The following ZP2 variants were observed in gnomAD, a reference collection of about 807,000 sequenced individuals.
ZP2 encodes zona pellucida sperm-binding protein 2.
In ZP2, 51 loss-of-function variants were observed where a neutral mutation model predicts 84.0. That is an observed-to-expected ratio of 0.61 (90% CI 0.49 to 0.77). ZP2 has a LOEUF of 0.77. ZP2 is among the 30% of genes least tolerant of loss of function. The pLI, the probability that ZP2 is intolerant of heterozygous loss-of-function variation, is 0.00. For synonymous variants in ZP2, 375 were observed against 330.9 expected (o/e 1.13, Z -1.45); for missense variants, 909 against 911.9 (o/e 1.00, Z 0.04).
intron 4 of ZP2, among the ~76,000 whole-genome samples, chr16:21,208,420 T>C (rs1327406043): frequency 6.6e-6 from 1 of 152,194 alleles, no homozygotes; most frequent in Non-Finnish European, 1.5e-5. Flanking sequence ...AGTTCAAGCC[T>C]GTTTACAGAG....
chr16:21,201,570 T>C lies in ZP2; in HGVS notation c.1505-12A>G, dbSNP rs200511899. 4.0e-3 allele frequency: 6,412 copies of C among 1,603,146 alleles called. 30 individuals carry two copies. The highest frequency in any genetic ancestry group is 8.5e-3 in the Middle Eastern group (51 of 6,026). ...TTGGTAGGAATTATCTGAAATTGAATGGTATTCAAGTAGTTAATGGCTGCA... is the reference window on the plus strand; with the variant it reads ...TTGGTAGGAATTATCTGAAATTGAACGGTATTCAAGTAGTTAATGGCTGCA... On this transcript the variant is annotated splice_polypyrimidine_tract_variant and intron_variant, in intron 13 of 18. Transcript: ENST00000574091.
rs540745033 is a variant in ZP2, at chr16:21,201,302, T to C, written c.1694+67A>G. The stretch of plus-strand genomic sequence containing the variant: ...AATGCTGCTCTAAAGCCCAAGAGGG[T>C]TTATTCCCATTACTGGCAAGTTTTG... On this transcript the variant is annotated intron_variant, in intron 14 of 18. Transcript: ENST00000574091. The C allele has an allele frequency of 4.1e-5, 58 of 1,421,150 alleles. 1 individual carries two copies. In the South Asian group the frequency reaches 7.9e-4, roughly 19 times the overall value. 88.0% of individuals were successfully genotyped at this position (1,421,150 alleles called of 1,614,324 possible).
intron 7 of ZP2, among the ~76,000 whole-genome samples, chr16:21,205,107 T>C (rs2093243569): frequency 6.6e-6 from 1 of 152,086 alleles, no homozygotes; most frequent in African/African-American, 2.4e-5. Context: ...CTCAGCCTCC[T>C]GAGTAGTTGG....
rs1468796967 is a variant in ZP2 at position 21,201,762 on chromosome 16, G to A, written c.1448C>T (p.Pro483Leu). 2 of 1,614,102 alleles carry A rather than the reference G, an allele frequency of 1.2e-6. No individual in the cohort carries two copies. Among genetic ancestry groups the A allele is most frequent in the South Asian group, 1.1e-5 (1 of 91,080 alleles). The change falls in exon 13 of 19, where the codon CCT (proline) becomes CTT (leucine). Residue 483 changes from proline to leucine, a missense_variant. Pro to Leu is a moderately conservative substitution (Grantham distance 98). Transcript: ENST00000574091. ...ACCCAACTTCACTGAGGCCACTGGA[G>A]GAGTAAGGCTTTCAACGTTGATGTT... Reference protein sequence around the residue: ...LLNINVESLTPPVASVKLGPF... With the variant: ...LLNINVESLTLPVASVKLGPF...
At chr16:21,214,171 C>T (rs549537408), upstream of ZP2, 14 of 917,816 alleles carry the variant, frequency 1.5e-5, no homozygotes, top group South Asian at 4.0e-4. Context: ...TGAGAAAGCC[C>T]GCTGTGGGCT....
upstream of ZP2, chr16:21,211,631 T>G (rs113854821): frequency 6.5e-4 from 1,046 of 1,608,472 alleles, 2 homozygotes; most frequent in African/African-American, 0.012. Context: ...ATCCACACCC[T>G]CTCCCCATTG....
At chr16:21,207,669 CACACACACACA>C (rs764994339) in intron 4 of ZP2, among the ~76,000 whole-genome samples, 1 of 106,506 alleles carries the variant, frequency 9.4e-6, no homozygotes, top group East Asian at 3.0e-4. Flanking sequence ...CACACACACA[CACACACACACA>C]CCACAAAAGT....
At chr16:21,199,974 A>G in intron 14 of ZP2, 96 bp from the exon 15 acceptor site, 1 of 1,491,404 alleles carries the variant, frequency 6.7e-7, no homozygotes, top group East Asian at 2.3e-5. Context: ...TATCTTCAGA[A>G]CTATTGCCAT....
At chr16:21,210,534 T>C (rs1424363392) in intron 2 of ZP2, among the ~76,000 whole-genome samples, 4 of 151,888 alleles carry the variant, frequency 2.6e-5, no homozygotes, top group African/African-American at 4.8e-5. Context: ...GTTTTGCAAA[T>C]TGATGTTAAA....
chr16:21,213,966 T>G (rs2093283319), upstream of ZP2, among the ~76,000 whole-genome samples: 1 of 151,836 alleles, frequency 6.6e-6, no homozygotes, highest in Admixed American at 6.6e-5. Flanking sequence ...AGAGAAGTGA[T>G]GGGTTAATGT....
At chr16:21,209,909 G>A in intron 3 of ZP2, 184 bp from the exon 4 acceptor site, 2 of 691,596 alleles carry the variant, frequency 2.9e-6, no homozygotes, top group Non-Finnish European at 5.0e-6. Flanking sequence ...TCCCAGAGAT[G>A]CTGGCATAAG....
Position 21,201,908 on chromosome 16 carries a change from A to C in ZP2, c.1379+24T>G, listed in dbSNP as rs746693673. On this transcript the variant is annotated intron_variant, in intron 12 of 18. Transcript: ENST00000574091. ...GCTTGAGTTTAAACTAGAGCTTAAG[A>C]GTCAAATAGCAATTTTATCTCACCT... 10 of 1,612,980 alleles carry C rather than the reference A, an allele frequency of 6.2e-6. No individual in the cohort carries two copies. In the South Asian group the frequency reaches 9.9e-5, roughly 16 times the overall value.
chr16:21,203,865 A>G (rs986989287), intron 9 of ZP2, 165 bp downstream of exon 9: 3 of 682,124 alleles, frequency 4.4e-6, no homozygotes, highest in African/African-American at 3.6e-5. Context: ...TAGTTACTTG[A>G]TATTTCACTT....
At chr16:21,203,071 A>G (rs1430241469) in intron 10 of ZP2, 54 bp downstream of exon 10, 1 of 1,590,710 alleles carries the variant, frequency 6.3e-7, no homozygotes, top group African/African-American at 1.3e-5. Flanking sequence ...GCCCACATGT[A>G]CAAGAGCCAA....
chr16:21,198,671 C>T, intron 17 of ZP2, 108 bp downstream of exon 17: 1 of 858,802 alleles, frequency 1.2e-6, no homozygotes, highest in Admixed American at 2.4e-5. Flanking sequence ...TTTTATTCTT[C>T]TATTGTTTAG....
At chr16:21,203,308 C>T (rs1440917134) in intron 9 of ZP2, 57 bp from the exon 10 acceptor site, 4 of 1,602,088 alleles carry the variant, frequency 2.5e-6, no homozygotes, top group Non-Finnish European at 8.5e-7. Context: ...GGAACCGTCA[C>T]AGGGAGGCAG....
intron 7 of ZP2, among the ~76,000 whole-genome samples, chr16:21,205,126 G>C (rs1004427024): frequency 6.6e-6 from 1 of 152,092 alleles, no homozygotes; most frequent in African/African-American, 2.4e-5. Flanking sequence ...GGGATTATAG[G>C]CATGTACCAT....
chr16:21,209,841 G>A (rs1280197914), intron 3 of ZP2, 116 bp from the exon 4 acceptor site: 14 of 904,228 alleles, frequency 1.5e-5, no homozygotes, highest in Middle Eastern at 4.4e-4. Flanking sequence ...CTTCACTTCC[G>A]CCCCAACTCA....
intron 10 of ZP2, 116 bp downstream of exon 10, chr16:21,203,009 T>TA: frequency 7.9e-7 from 1 of 1,263,482 alleles, no homozygotes; most frequent in East Asian, 2.5e-5. Flanking sequence ...GACTAGTCTT[T>TA]AGTTTCTTCA....
Sources: allele counts gnomAD v4.1 joint callset (sites outside exome capture counted in the v4.1 genomes callset), GRCh38; gene constraint gnomAD v4.1.1; transcripts MANE v1.5; gene names NCBI Gene and HGNC (gene_info 2026-07-23, HGNC 2026-07-21).